RHEB: variants seen among roughly 807,000 people sequenced by gnomAD.
The protein encoded by RHEB is Ras homolog, mTORC1 binding, also known as GTP-binding protein Rheb.
In RHEB, 2 loss-of-function variants were observed where a neutral mutation model predicts 28.8. The observed-to-expected ratio is 0.07, with a 90% CI of 0.03 to 0.22. RHEB has a LOEUF of 0.22. Ranked by LOEUF, RHEB falls within the 10% of genes least tolerant of loss-of-function variation. RHEB has a pLI of 1.00. For missense variants in RHEB, 76 were observed against 219.9 expected (o/e 0.35, Z 4.14); for synonymous variants, 69 against 77.3 (o/e 0.89, Z 0.56).
chr7:151,469,966 G>A (rs1802131659), intron 7 of RHEB, among the ~76,000 whole-genome samples: 1 of 152,170 alleles, frequency 6.6e-6, no homozygotes, highest in Non-Finnish European at 1.5e-5. Flanking sequence ...TGCACTGGGG[G>A]CGGGAGACAA....
intron 6 of RHEB, among the ~76,000 whole-genome samples, chr7:151,471,190 G>C (rs1802155538): frequency 6.6e-6 from 1 of 152,162 alleles, no homozygotes; most frequent in South Asian, 2.1e-4. Flanking sequence ...ATAACCTAAA[G>C]GTAGTTTCCT....
chr7:151,519,450 G>C lies in RHEB; in HGVS notation c.52+10C>G. 1 of 1,447,150 alleles carries C rather than the reference G, an allele frequency of 6.9e-7. No homozygotes were observed. The highest frequency in any genetic ancestry group is 1.5e-5 in the African/African-American group (1 of 68,652). 89.6% of individuals were successfully genotyped at this position (1,447,150 alleles called of 1,614,324 possible). A position where few individuals can be genotyped will look rare whatever the true frequency, so the allele number is the denominator to read the frequency against. ...GGCGCGAGGAGGCCGCGCGGCCACC[G>C]GCCACTCACCCACAGACCGGTAGCC... On this transcript the variant is annotated intron_variant, in intron 1 of 7. Transcript: ENST00000262187.
intron 4 of RHEB, among the ~76,000 whole-genome samples, chr7:151,476,259 G>A (rs62479812): frequency 4.7e-4 from 71 of 152,294 alleles, no homozygotes; most frequent in Middle Eastern, 6.8e-3. Context: ...TGGAGTATGT[G>A]GGGGTAAGGA....
chr7:151,490,238 G>A (rs1802556090), intron 2 of RHEB, among the ~76,000 whole-genome samples: 1 of 152,140 alleles, frequency 6.6e-6, no homozygotes, highest in Non-Finnish European at 1.5e-5. Flanking sequence ...AGGATATTGA[G>A]TCCAGCCTGG....
chr7:151,494,228 T>C (rs574080983), intron 1 of RHEB, among the ~76,000 whole-genome samples: 1 of 152,354 alleles, frequency 6.6e-6, no homozygotes, highest in East Asian at 1.9e-4. Flanking sequence ...GGGCTAAGTA[T>C]GATACATGGG....
chr7:151,467,772 C>T (rs914281414), intron 7 of RHEB, among the ~76,000 whole-genome samples: 7 of 152,166 alleles, frequency 4.6e-5, no homozygotes, highest in Non-Finnish European at 8.8e-5. Context: ...CTCTCCTGCC[C>T]GTCTTCCTGC....
intron 1 of RHEB, among the ~76,000 whole-genome samples, chr7:151,506,292 C>T (rs1802878591): frequency 6.6e-6 from 1 of 151,668 alleles, no homozygotes; most frequent in South Asian, 2.1e-4. Flanking sequence ...TCAAATGATC[C>T]TCTCACCTTG....
intron 3 of RHEB, among the ~76,000 whole-genome samples, chr7:151,482,534 G>T (rs1219647197): frequency 6.6e-6 from 1 of 152,172 alleles, no homozygotes; most frequent in African/African-American, 2.4e-5. Context: ...GATACAAAAC[G>T]TGTTTCCACA....
At chr7:151,516,566 T>A (rs1231914832) in intron 1 of RHEB, among the ~76,000 whole-genome samples, 5 of 133,560 alleles carry the variant, frequency 3.7e-5, no homozygotes, top group Admixed American at 2.7e-4. Context: ...GAGGTTGCAG[T>A]GAGCCCAGAT....
At chr7:151,509,504 C>G in intron 1 of RHEB, among the ~76,000 whole-genome samples, 1 of 152,228 alleles carries the variant, frequency 6.6e-6, no homozygotes, top group East Asian at 1.9e-4. Context: ...TACTTCACAG[C>G]TTCCACATTG....
rs762649586 is a variant in RHEB, at chr7:151,471,623, T to G, written c.276-18A>C. On this transcript the variant is annotated intron_variant, in intron 4 of 7. Coordinates refer to ENST00000262187, the MANE Select transcript of RHEB (RefSeq NM_005614.4). ...CTTCAAAACTATAAAACAAAAAGTA[T>G]AAATTAGACATCCATTTTAATGTTG... is the stretch of plus-strand genomic sequence containing the variant. 4 of 1,487,374 alleles carry G rather than the reference T, an allele frequency of 2.7e-6. No homozygotes were observed. Among genetic ancestry groups the G allele is most frequent in the Admixed American group, 1.9e-5 (1 of 51,780 alleles). 92.1% of individuals were successfully genotyped at this position (1,487,374 alleles called of 1,614,324 possible).
rs1802160287 is a variant in RHEB at position 151,471,461 on chromosome 7, GAC to G, written c.333-22_333-21del. ...GGTATTCTATTTGTAAGAAAAAAAA[GAC>G]AAACCAGTAAGTGCCAGATTGTATT... On this transcript the variant is annotated intron_variant, in intron 5 of 7. Coordinates refer to ENST00000262187, the MANE Select transcript of RHEB (RefSeq NM_005614.4). 6.4e-7 allele frequency: 1 copy of G among 1,567,058 alleles called. No individual in the cohort carries two copies. The highest frequency in any genetic ancestry group is 1.7e-5 in the Admixed American group (1 of 58,182).
chr7:151,473,095 C>G (rs1802192182), intron 4 of RHEB, among the ~76,000 whole-genome samples: 1 of 152,232 alleles, frequency 6.6e-6, no homozygotes, highest in African/African-American at 2.4e-5. Flanking sequence ...TGTGTCATCT[C>G]CCTGCATGGA....
intron 1 of RHEB, among the ~76,000 whole-genome samples, chr7:151,493,893 TA>T (rs551735546): frequency 4.9e-4 from 71 of 144,454 alleles, no homozygotes; most frequent in African/African-American, 1.7e-3. Flanking sequence ...TTAGAAGGAG[TA>T]AAAAAAAAAC....
chr7:151,507,074 G>C (rs1048381293), intron 1 of RHEB, among the ~76,000 whole-genome samples: 1 of 152,208 alleles, frequency 6.6e-6, no homozygotes, highest in Non-Finnish European at 1.5e-5. Context: ...AGAGTGCCTC[G>C]TTGGGGACTA....
intron 1 of RHEB, among the ~76,000 whole-genome samples, chr7:151,492,617 A>AT (rs1308574794): frequency 2.0e-5 from 3 of 148,830 alleles, no homozygotes; most frequent in African/African-American, 7.7e-5. Context: ...ACTCTGTCTT[A>AT]TAAAAAAAAA....
At chr7:151,513,432 A>G (rs1803024866) in intron 1 of RHEB, among the ~76,000 whole-genome samples, 1 of 152,290 alleles carries the variant, frequency 6.6e-6, no homozygotes. Context: ...TGCACCACTC[A>G]TAGCGAACAG....
chr7:151,500,017 G>T (rs6975170), intron 1 of RHEB, among the ~76,000 whole-genome samples: 5,192 of 152,232 alleles, frequency 0.034, 269 homozygotes, highest in African/African-American at 0.12. Flanking sequence ...GCCCATGCTG[G>T]TCTCAAACAC....
intron 1 of RHEB, among the ~76,000 whole-genome samples, chr7:151,510,622 G>A (rs1032185844): frequency 2.6e-5 from 4 of 152,160 alleles, no homozygotes; most frequent in African/African-American, 7.2e-5. Flanking sequence ...TTTGTGACTG[G>A]TACAAAGTAG....
Sources: gnomAD v4.1 joint callset for allele counts (sites outside exome capture counted in the v4.1 genomes callset) on GRCh38, gnomAD v4.1.1 for gene constraint, MANE v1.5 for transcripts, NCBI Gene and HGNC (gene_info 2026-07-23, HGNC 2026-07-21) for gene names.